ADA: variants seen among roughly 807,000 people sequenced by gnomAD.
ADA encodes adenosine aminohydrolase.
A neutral mutation model predicts 49.0 loss-of-function variants in ADA; 45 were observed. The observed-to-expected ratio is 0.92, with a 90% CI of 0.72 to 1.18. ADA has a LOEUF of 1.18. Among genes scored for constraint, ADA ranks in the 50% most tolerant of loss-of-function variants. The probability of loss-of-function intolerance (pLI) is 0.00; values close to 1 mark genes in which losing one functional copy is unlikely to be tolerated. For synonymous variants in ADA, 173 were observed against 184.2 expected, an observed-to-expected ratio of 0.94 and a Z score of 0.49; for missense variants, 445 against 472.5, an observed-to-expected ratio of 0.94 and a Z score of 0.54.
chr20:44,636,086 C>T (rs2065477392), intron 2 of ADA, 141 bp downstream of exon 2: 1 of 807,382 alleles, frequency 1.2e-6, no homozygotes, highest in Non-Finnish European at 2.1e-6. Flanking sequence ...CCTCACAGTC[C>T]CACTTCTGGC....
rs764177495 is a variant in ADA at position 44,629,173 on chromosome 20, G to A, written c.96-4C>T. 1.1e-4 allele frequency: 180 copies of A among 1,614,050 alleles called. No individual in the cohort carries two copies. Among genetic ancestry groups the A allele is most frequent in the Non-Finnish European group, 1.5e-4 (173 of 1,180,036 alleles). On this transcript the variant is annotated splice_region_variant and splice_polypyrimidine_tract_variant and intron_variant, in intron 2 of 11. Transcript: ENST00000372874. ...TGGGAGGGCGATCCCTCTCCTCCTG[G>A]AAACAAAACAGTGAGTGGTGGACCA...
rs2065325898 is a variant in ADA, at chr20:44,621,017, C to T, written c.975+1G>A. ...GGCCAGTATGGCTCACACCCACTCA[C>T]CAGCCTTTTAAACTCCTCTTCAGTA... On this transcript the variant is annotated splice_donor_variant, in intron 10 of 11. Transcript: ENST00000372874. LOFTEE classifies it high-confidence loss of function. 2 of 1,614,046 alleles carry T rather than the reference C, an allele frequency of 1.2e-6. No individual in the cohort carries two copies. The highest frequency in any genetic ancestry group is 1.7e-6 in the Non-Finnish European group (2 of 1,180,028).
intron 1 of ADA, among the ~76,000 whole-genome samples, chr20:44,649,729 C>CT (rs2065624550): frequency 8.0e-6 from 1 of 124,436 alleles, no homozygotes; most frequent in African/African-American, 3.4e-5. Context: ...AATCAAGGAG[C>CT]CTTTTTTTTT....
At chr20:44,642,654 A>T (rs958213740) in intron 1 of ADA, among the ~76,000 whole-genome samples, 2 of 152,170 alleles carry the variant, frequency 1.3e-5, no homozygotes, top group Admixed American at 6.5e-5. Flanking sequence ...TTTCCACCCA[A>T]GTGTGTTAAA....
chr20:44,636,730 T>A (rs914153871), intron 1 of ADA, among the ~76,000 whole-genome samples: 3 of 152,176 alleles, frequency 2.0e-5, no homozygotes, highest in Admixed American at 2.0e-4. Flanking sequence ...TAAACTACTT[T>A]AACAAAAGGG....
chr20:44,640,286 C>A (rs1568853614), intron 1 of ADA, among the ~76,000 whole-genome samples: 1 of 151,082 alleles, frequency 6.6e-6, no homozygotes, highest in Non-Finnish European at 1.5e-5. Flanking sequence ...TGGTGGCATG[C>A]ACCTGTAGTC....
At chr20:44,644,279 C>T (rs1256494896) in intron 1 of ADA, among the ~76,000 whole-genome samples, 8 of 152,092 alleles carry the variant, frequency 5.3e-5, no homozygotes, top group Admixed American at 1.3e-4. Context: ...CCTCATGAGC[C>T]GTTTGCTGAG....
chr20:44,637,828 G>A (rs1250203120), intron 1 of ADA, among the ~76,000 whole-genome samples: 2 of 152,182 alleles, frequency 1.3e-5, no homozygotes, highest in Non-Finnish European at 2.9e-5. Flanking sequence ...CCCAGTCTCA[G>A]GGCCAACTTA....
chr20:44,626,587 C>T lies in ADA; in HGVS notation c.231G>A (p.Glu77=). Residue 77 remains glutamate, a synonymous_variant, in exon 4 of 12, where the codon GAG becomes GAA. Coordinates refer to ENST00000372874, the MANE Select transcript of ADA (RefSeq NM_000022.4). ...ACTCATAGGCGATCCTTTTGATAGC[C>T]TCCCGGCAGCCCCTGGGAAGGGAAG... is the stretch of plus-strand genomic sequence containing the variant. ...YYMPAIAGCR[E]AIKRIAYEFV... 6.2e-7 allele frequency: 1 copy of T among 1,614,114 alleles called. No individual in the cohort carries two copies. The highest frequency in any genetic ancestry group is 1.1e-5 in the South Asian group (1 of 91,070).
At chr20:44,635,703 A>C (rs1235568179) in intron 2 of ADA, among the ~76,000 whole-genome samples, 1 of 152,176 alleles carries the variant, frequency 6.6e-6, no homozygotes, top group Non-Finnish European at 1.5e-5. Flanking sequence ...GTTCGAGACC[A>C]GCCTGGCCAA....
At position 44,628,262 on chromosome 20, in the gene ADA, C is replaced by T. The variant is rs769394408; in HGVS notation, c.218+785G>A. Among the ~76,000 whole-genome samples, 115 of 152,328 alleles carry T rather than the reference C, an allele frequency of 7.5e-4. 1 individual carries two copies. The highest frequency in any genetic ancestry group is 3.4e-3 in the Middle Eastern group (1 of 292). On this transcript the variant is annotated intron_variant, in intron 3 of 11. Coordinates refer to ENST00000372874, the MANE Select transcript of ADA (RefSeq NM_000022.4). ...GATGGAGGCCAGGCGCAGTGGCTCA[C>T]GCCTGTAATCCCAGCATTTTGGGAG...
rs61737144 is a variant in ADA, at chr20:44,625,657, C to T, written c.390G>A (p.Val130=). ...AEGDLTPDEV[V]ALVGQGLQEG... is the part of the protein sequence containing the mutation. ...CCTGCAGGCCCTGGCCCACTAGGGC[C>T]ACCACCTCGTCTGGGGTGAGGTCCC... Residue 130 remains valine (V), a synonymous_variant, in exon 5 of 12, where the codon GTG becomes GTA. Transcript: ENST00000372874. 0.034 allele frequency: 53,864 copies of T among 1,570,220 alleles called. 1,012 individuals are homozygous for T. Among genetic ancestry groups the T allele is most frequent in the African/African-American group, 0.059 (4,349 of 74,158 alleles).
chr20:44,642,560 T>C (rs1315807683), intron 1 of ADA, among the ~76,000 whole-genome samples: 1 of 151,556 alleles, frequency 6.6e-6, no homozygotes, highest in Non-Finnish European at 1.5e-5. Flanking sequence ...TTGGCCAGAG[T>C]GCAGAGTGAG....
intron 1 of ADA, among the ~76,000 whole-genome samples, chr20:44,643,149 G>C (rs776391071): frequency 3.9e-5 from 6 of 152,212 alleles, no homozygotes; most frequent in Non-Finnish European, 7.3e-5. Context: ...CCGCTCTCCT[G>C]TCTCCTTTCA....
intron 1 of ADA, among the ~76,000 whole-genome samples, chr20:44,638,085 G>A (rs966636404): frequency 2.0e-5 from 3 of 152,246 alleles, no homozygotes; most frequent in Non-Finnish European, 4.4e-5. Flanking sequence ...AGCATCATGC[G>A]GTTAGAGCTG....
At chr20:44,626,355 C>T in intron 4 of ADA, 101 bp downstream of exon 4, 2 of 1,556,918 alleles carry the variant, frequency 1.3e-6, no homozygotes, top group South Asian at 1.1e-5. Context: ...AGAACAAGGT[C>T]TTGCTTGGGT....
intron 5 of ADA, 30 bp downstream of exon 5, chr20:44,625,539 G>A (rs760520726): frequency 1.1e-5 from 17 of 1,543,364 alleles, no homozygotes; most frequent in East Asian, 2.4e-5. Context: ...TGAGACGGGC[G>A]GCCCTGGGCA....
At chr20:44,643,161 G>A (rs1490952933) in intron 1 of ADA, among the ~76,000 whole-genome samples, 1 of 152,172 alleles carries the variant, frequency 6.6e-6, no homozygotes, top group Non-Finnish European at 1.5e-5. Flanking sequence ...CTCCTTTCAG[G>A]GAAAAGGGTC....
In ADA at chr20:44,629,027, G is replaced by A. The variant is rs779247282; in HGVS notation, c.218+20C>T. The A allele has an allele frequency of 5.6e-6, 9 of 1,614,054 alleles. No individual in the cohort carries two copies. The Admixed American group carries it at 1.3e-4, about 24-fold the overall frequency. On this transcript the variant is annotated intron_variant, in intron 3 of 11. Coordinates refer to ENST00000372874, the MANE Select transcript of ADA (RefSeq NM_000022.4). The stretch of plus-strand genomic sequence containing the variant: ...AGGGATCAATGCTGCCCTAGGACCT[G>A]TGGGTTGGGGGCAACTCACGCGATA...
Sources: gnomAD v4.1 joint callset for allele counts (sites outside exome capture counted in the v4.1 genomes callset) on GRCh38, gnomAD v4.1.1 for gene constraint, MANE v1.5 for transcripts, NCBI Gene and HGNC (gene_info 2026-07-23, HGNC 2026-07-21) for gene names.